GMCL1: variants seen among roughly 807,000 people sequenced by gnomAD.
GMCL1 encodes the protein germ cell-less protein-like 1.
In GMCL1, 54 loss-of-function variants were observed where a neutral mutation model predicts 75.5. The observed-to-expected ratio is 0.71, with a 90% CI of 0.57 to 0.90. The LOEUF (loss-of-function observed/expected upper bound fraction) is 0.90, where lower values mean the gene tolerates loss of function less well. GMCL1 is among the 40% of genes least tolerant of loss of function. The pLI is 0.00. For synonymous variants in GMCL1, 210 were observed against 209.6 expected (o/e 1.00, Z -0.02); for missense variants, 537 against 622.7 (o/e 0.86, Z 1.47).
Position 69,854,896 on chromosome 2 carries a change from A to G in GMCL1, c.1008A>G (p.Leu336=), listed in dbSNP as rs761740077. ...TGTCAGTATTCAGACATTTAAGGTT[A>G]CAATATATTATCAGTGATCTGGCTT... ...PFVSVFRHLR[L]QYIISDLASA... Residue 336 remains leucine (L), a synonymous_variant, in exon 9 of 14, where the codon TTA becomes TTG. Coordinates refer to ENST00000282570, the MANE Select transcript of GMCL1 (RefSeq NM_178439.5). The G allele has an allele frequency of 1.2e-6, 2 of 1,611,240 alleles. No homozygotes were observed. Among genetic ancestry groups the G allele is most frequent in the South Asian group, 2.2e-5 (2 of 90,770 alleles).
chr2:69,866,028 AT>A (rs1675806889), intron 11 of GMCL1, among the ~76,000 whole-genome samples: 1 of 152,146 alleles, frequency 6.6e-6, no homozygotes, highest in Admixed American at 6.5e-5. Flanking sequence ...AGGCAGGCAG[AT>A]CATGAGGTCA....
intron 8 of GMCL1, among the ~76,000 whole-genome samples, chr2:69,851,286 G>A (rs1051611342): frequency 2.0e-4 from 30 of 151,904 alleles, no homozygotes; most frequent in Non-Finnish European, 8.8e-5. Flanking sequence ...AAAGTTTAAA[G>A]AATTAGCAGG....
Position 69,880,380 on chromosome 2 carries a change from C to A in GMCL1, c.*1376C>A, listed in dbSNP as rs1676246990. Reference sequence around the variant, plus strand: ...TTTGGAATTTATTAATAATTTTTTTCTTTTTTAATGATATGCCCATAGGTT... The same window carrying A: ...TTTGGAATTTATTAATAATTTTTTTATTTTTTAATGATATGCCCATAGGTT... On this transcript the variant is annotated 3_prime_UTR_variant, in exon 14 of 14. Coordinates refer to ENST00000282570, the MANE Select transcript of GMCL1 (RefSeq NM_178439.5). 6.6e-6 allele frequency: 1 copy of A among 151,602 alleles called. No individual in the cohort carries two copies. The highest frequency in any genetic ancestry group is 2.4e-5 in the African/African-American group (1 of 41,290). The allele number at this position is 151,602 out of a possible 1,614,324, so 9.4% of individuals were successfully genotyped here. A position where few individuals can be genotyped will look rare whatever the true frequency, so the allele number is the denominator to read the frequency against.
At chr2:69,830,450 C>T (rs1043538630) in intron 1 of GMCL1, among the ~76,000 whole-genome samples, 1 of 152,170 alleles carries the variant, frequency 6.6e-6, no homozygotes, top group African/African-American at 2.4e-5. Context: ...TAGAGACGCC[C>T]GGCTGGCTGG....
At position 69,880,102 on chromosome 2, in the gene GMCL1, C is replaced by T. The variant is rs78376538; in HGVS notation, c.*1098C>T. 240 of 152,102 alleles carry T rather than the reference C, an allele frequency of 1.6e-3. 1 individual carries two copies. Among genetic ancestry groups the T allele is most frequent in the African/African-American group, 4.3e-3 (177 of 41,496 alleles). The allele number at this position is 152,102 out of a possible 1,614,324, so 9.4% of individuals were successfully genotyped here. A position where few individuals can be genotyped will look rare whatever the true frequency, so the allele number is the denominator to read the frequency against. On this transcript the variant is annotated 3_prime_UTR_variant, in exon 14 of 14. Transcript: ENST00000282570. Reference sequence around the variant, plus strand: ...ACTTGTCATGATTTATGTATGTTGACCTTTTGTGTTTATTACTGTTTTGAA... The same window carrying T: ...ACTTGTCATGATTTATGTATGTTGATCTTTTGTGTTTATTACTGTTTTGAA...
rs1312016914 is a variant in GMCL1 at position 69,829,707 on chromosome 2, G to T, written c.-186G>T. ...GCGAGGTGCTGCGGTGCTAGAGCGC[G>T]GCGCGACCGGACGCTGCGGGCGGGG... On this transcript the variant is annotated 5_prime_UTR_variant, in exon 1 of 14. Coordinates refer to ENST00000282570, the MANE Select transcript of GMCL1 (RefSeq NM_178439.5). The T allele has an allele frequency of 1.5e-5, 10 of 650,490 alleles. No individual in the cohort carries two copies. The South Asian group carries it at 1.9e-4, about 12-fold the overall frequency. The allele number at this position is 650,490 out of a possible 1,614,324, so 40.3% of individuals were successfully genotyped here. A position where few individuals can be genotyped will look rare whatever the true frequency, so the allele number is the denominator to read the frequency against.
At chr2:69,837,444 T>C in intron 1 of GMCL1, 103 bp from the exon 2 acceptor site, 1 of 940,306 alleles carries the variant, frequency 1.1e-6, no homozygotes, top group African/African-American at 1.7e-5. Flanking sequence ...AAGTTGACTC[T>C]ATTTAATAGA....
chr2:69,871,861 T>A (rs1325957270), intron 13 of GMCL1, 29 bp downstream of exon 13: 2 of 1,291,870 alleles, frequency 1.5e-6, no homozygotes, highest in African/African-American at 3.0e-5. Context: ...TGGTATGTCA[T>A]CATAATATTT....
chr2:69,831,347 A>G (rs1353051983), intron 1 of GMCL1, among the ~76,000 whole-genome samples: 1 of 129,800 alleles, frequency 7.7e-6, no homozygotes. Context: ...CTTTTTTTGT[A>G]TGAATATTTG....
chr2:69,872,078 A>G (rs1001319776), intron 13 of GMCL1, among the ~76,000 whole-genome samples: 2 of 152,228 alleles, frequency 1.3e-5, no homozygotes, highest in African/African-American at 4.8e-5. Flanking sequence ...ACTGATTATA[A>G]GGAAATAATT....
chr2:69,864,590 CTTTTTTT>C (rs534389389), intron 10 of GMCL1, among the ~76,000 whole-genome samples: 23 of 88,352 alleles, frequency 2.6e-4, no homozygotes, highest in Admixed American at 3.9e-4. Context: ...TAGACTTTTA[CTTTTTTT>C]TTTTTTTTTT....
At chr2:69,834,031 A>G (rs537755137) in intron 1 of GMCL1, among the ~76,000 whole-genome samples, 1 of 152,340 alleles carries the variant, frequency 6.6e-6, no homozygotes. Context: ...TCACAGTCAT[A>G]TGGAATCTTT....
intron 6 of GMCL1, among the ~76,000 whole-genome samples, chr2:69,846,480 A>G (rs1013339145): frequency 1.3e-5 from 2 of 152,226 alleles, no homozygotes; most frequent in African/African-American, 4.8e-5. Context: ...GCCATTTTAT[A>G]TAAGGGACTT....
At chr2:69,840,809 C>T (rs2103957212) in intron 3 of GMCL1, 133 bp from the exon 4 acceptor site, 1 of 511,302 alleles carries the variant, frequency 2.0e-6, no homozygotes, top group Non-Finnish European at 3.4e-6. Flanking sequence ...AGAGATACTT[C>T]TGTTATCCTT....
In GMCL1 at chr2:69,829,980, C is replaced by A. The variant is rs1269097456; in HGVS notation, c.88C>A (p.Arg30=). The part of the protein sequence containing the change: ...AQGARAGGSA[R]RPDTGDDAAG... ...GGGTGCCAGGGCGGGGGGCTCGGCCCGGAGGCCGGACACTGGAGACGATGC... is the reference window on the plus strand; with the variant it reads ...GGGTGCCAGGGCGGGGGGCTCGGCCAGGAGGCCGGACACTGGAGACGATGC... Residue 30 remains arginine (R), a synonymous_variant, in exon 1 of 14, where the codon CGG becomes AGG. Transcript: ENST00000282570. 1 of 1,581,782 alleles carries A rather than the reference C, an allele frequency of 6.3e-7. No individual in the cohort carries two copies. Among genetic ancestry groups the A allele is most frequent in the Non-Finnish European group, 8.6e-7 (1 of 1,163,748 alleles).
chr2:69,830,658 G>C (rs1163364921), intron 1 of GMCL1, among the ~76,000 whole-genome samples: 3 of 151,964 alleles, frequency 2.0e-5, no homozygotes, highest in Non-Finnish European at 4.4e-5. Flanking sequence ...GTGTACATTT[G>C]TTCCTAACTA....
rs534242837 is a variant in GMCL1, at chr2:69,858,368, C to T, written c.1073-2910C>T. Among the ~76,000 whole-genome samples, 13 of 152,230 alleles carry T rather than the reference C, an allele frequency of 8.5e-5. No individual in the cohort carries two copies. In the East Asian group the frequency reaches 1.4e-3, roughly 16 times the overall value. On this transcript the variant is annotated intron_variant, in intron 9 of 13. Transcript: ENST00000282570. ...GGTCTGATAAAGTTTAAAATAAGTGCGGAAACATATTACTATTTAGTCAAA... is the reference window on the plus strand; with the variant it reads ...GGTCTGATAAAGTTTAAAATAAGTGTGGAAACATATTACTATTTAGTCAAA...
Position 69,876,108 on chromosome 2 carries a change from C to T in GMCL1, c.1453-2801C>T, listed in dbSNP as rs79480481. ...TTTGTAACTGTCCATCTTATAAGACCATGCTAAATGGATTTTCACTATAGA... is the reference window on the plus strand; with the variant it reads ...TTTGTAACTGTCCATCTTATAAGACTATGCTAAATGGATTTTCACTATAGA... On this transcript the variant is annotated intron_variant, in intron 13 of 13. Transcript: ENST00000282570. 5.5e-4 allele frequency among the ~76,000 whole-genome samples: 83 copies of T among 152,204 alleles called. 2 individuals are homozygous for T. The East Asian group carries it at 0.015, about 28-fold the overall frequency.
chr2:69,856,012 G>A (rs1361803170), intron 9 of GMCL1, among the ~76,000 whole-genome samples: 1 of 152,108 alleles, frequency 6.6e-6, no homozygotes, highest in African/African-American at 2.4e-5. Flanking sequence ...ATTGCAAGAT[G>A]GGTACAAGTA....
Sources: allele counts gnomAD v4.1 joint callset (sites outside exome capture counted in the v4.1 genomes callset), GRCh38; gene constraint gnomAD v4.1.1; transcripts MANE v1.5; gene names NCBI Gene and HGNC (gene_info 2026-07-23, HGNC 2026-07-21).